The following CLUAP1 variants were observed in gnomAD, a reference collection of about 807,000 sequenced individuals.
CLUAP1 encodes the protein clusterin-associated protein 1.
A neutral mutation model predicts 55.0 loss-of-function variants in CLUAP1; 50 were observed. The observed-to-expected ratio is 0.91, with a 90% CI of 0.72 to 1.15. The LOEUF (loss-of-function observed/expected upper bound fraction) is 1.15, where lower values mean the gene tolerates loss of function less well. Among genes scored for constraint, CLUAP1 ranks in the 50% most tolerant of loss-of-function variants. The pLI, the probability that CLUAP1 is intolerant of heterozygous loss-of-function variation, is 0.00. For synonymous variants in CLUAP1, 195 were observed against 175.4 expected (o/e 1.11, Z -0.88); for missense variants, 530 against 507.6 (o/e 1.04, Z -0.42).
chr16:3,504,888 C>A, intron 2 of CLUAP1, 57 bp downstream of exon 2: 1 of 1,052,286 alleles, frequency 9.5e-7, no homozygotes, highest in Non-Finnish European at 1.5e-6. Flanking sequence ...ATTTATTAGT[C>A]ATCTAGAAAA....
chr16:3,526,362 C>A, intron 8 of CLUAP1, 50 bp from the exon 9 acceptor site: 1 of 1,288,876 alleles, frequency 7.8e-7, no homozygotes, highest in Non-Finnish European at 1.1e-6. Context: ...AAGAATAGAA[C>A]AGTCCAGAAA....
Position 3,536,249 on chromosome 16 carries a change from A to T in CLUAP1, c.1220A>T (p.Asp407Val). ...AGGGTCCGGAAATCTGAACCCCTGG[A>T]TGAGAGTGACAATGACTTCTGACCC... is the stretch of plus-strand genomic sequence containing the variant. ...NRRVRKSEPL[D>V]ESDNDF Residue 407 changes from aspartate (D) to valine (V), a missense_variant, in exon 12 of 12, where the codon GAT (aspartate) becomes GTT (valine). By Grantham distance (152) the Asp-to-Val change is radical (BLOSUM62 -3). Coordinates refer to ENST00000576634, the MANE Select transcript of CLUAP1 (RefSeq NM_015041.3). The T allele has an allele frequency of 6.2e-7, 1 of 1,614,156 alleles. No homozygotes were observed. Among genetic ancestry groups the T allele is most frequent in the Non-Finnish European group, 8.5e-7 (1 of 1,180,024 alleles).
At chr16:3,532,763 C>T in intron 10 of CLUAP1, 23 bp from the exon 11 acceptor site, 1 of 1,613,476 alleles carries the variant, frequency 6.2e-7, no homozygotes, top group Non-Finnish European at 8.5e-7. Flanking sequence ...TTTATGACTT[C>T]TTCATGCTTT....
chr16:3,521,737 T>C (rs2037839385), intron 7 of CLUAP1, among the ~76,000 whole-genome samples: 1 of 151,772 alleles, frequency 6.6e-6, no homozygotes, highest in Non-Finnish European at 1.5e-5. Context: ...CGCCTGGCCT[T>C]TTTAAAAAAT....
the CLUAP1 span, among the ~76,000 whole-genome samples, chr16:3,495,735 G>A: frequency 6.6e-6 from 1 of 152,170 alleles, no homozygotes; most frequent in East Asian, 1.9e-4. Context: ...ATCTCTTGGG[G>A]CCAGCTTCCT....
chr16:3,498,821 C>T (rs892515943), upstream of CLUAP1, among the ~76,000 whole-genome samples: 10 of 152,040 alleles, frequency 6.6e-5, no homozygotes, highest in South Asian at 2.1e-4. Flanking sequence ...GATCGCACCA[C>T]TGGCACTCCA....
chr16:3,496,624 C>T (rs2037314418), upstream of CLUAP1: 3 of 532,050 alleles, frequency 5.6e-6, no homozygotes, highest in Non-Finnish European at 1.1e-5. Flanking sequence ...TCCTACTCTC[C>T]GGTCTTCGCA....
At chr16:3,524,524 G>C (rs1002123117) in intron 8 of CLUAP1, among the ~76,000 whole-genome samples, 1 of 148,166 alleles carries the variant, frequency 6.7e-6, no homozygotes, top group Non-Finnish European at 1.5e-5. Context: ...TTGAACCCAG[G>C]AGGCAGAGGT....
chr16:3,509,419 C>G (rs1285521431), intron 4 of CLUAP1, among the ~76,000 whole-genome samples: 1 of 152,188 alleles, frequency 6.6e-6, no homozygotes, highest in Non-Finnish European at 1.5e-5. Flanking sequence ...GTGCTTATTT[C>G]CCGTCCAAAG....
In CLUAP1 at chr16:3,506,351, T is replaced by C. The variant is rs767469528; in HGVS notation, c.155T>C (p.Ile52Thr). 2 of 1,613,950 alleles carry C rather than the reference T, an allele frequency of 1.2e-6. No homozygotes were observed. The highest frequency in any genetic ancestry group is 1.3e-5 in the African/African-American group (1 of 75,002). The change falls in exon 3 of 12, where the codon ATC becomes ACC. Residue 52 changes from isoleucine (I) to threonine (T), a missense_variant. Coordinates refer to ENST00000576634, the MANE Select transcript of CLUAP1 (RefSeq NM_015041.3). ...GATAGATATGAGCCCCAGACTGACATCCCGCCTGACGTGGATACTGAACAG... is the reference window on the plus strand; with the variant it reads ...GATAGATATGAGCCCCAGACTGACACCCCGCCTGACGTGGATACTGAACAG... The part of the protein sequence containing the change: ...LVKRYEPQTD[I>T]PPDVDTEQDR...
intron 11 of CLUAP1, 178 bp downstream of exon 11, chr16:3,533,019 G>C: frequency 2.9e-6 from 4 of 1,392,648 alleles, no homozygotes; most frequent in Non-Finnish European, 4.0e-6. Context: ...GCTCGTGGAT[G>C]GCTCATCTCT....
chr16:3,503,628 ACT>A (rs2037450087), intron 1 of CLUAP1, among the ~76,000 whole-genome samples: 2 of 136,424 alleles, frequency 1.5e-5, no homozygotes, highest in Middle Eastern at 4.8e-3. Context: ...ACAGGGTCTC[ACT>A]CTGTCACCCA....
intron 6 of CLUAP1, 105 bp from the exon 7 acceptor site, chr16:3,519,798 T>G: frequency 8.8e-7 from 1 of 1,140,066 alleles, no homozygotes; most frequent in Non-Finnish European, 1.2e-6. Flanking sequence ...CTTTTGTGTT[T>G]GTTGAGCATA....
At chr16:3,501,207 G>A in intron 1 of CLUAP1, 118 bp downstream of exon 1, 1 of 1,071,388 alleles carries the variant, frequency 9.3e-7, no homozygotes, top group Non-Finnish European at 1.4e-6. Context: ...CTCCTTTCGG[G>A]CCTCTGCGCC....
At chr16:3,509,555 A>G (rs908930402) in intron 4 of CLUAP1, among the ~76,000 whole-genome samples, 4 of 152,318 alleles carry the variant, frequency 2.6e-5, no homozygotes, top group Middle Eastern at 3.4e-3. Context: ...AGGTGCCGTC[A>G]GGTGTCAGGG....
chr16:3,513,701 C>T (rs775026156), intron 5 of CLUAP1, among the ~76,000 whole-genome samples: 9 of 152,234 alleles, frequency 5.9e-5, no homozygotes, highest in Non-Finnish European at 1.2e-4. Context: ...TCGCCTTCCT[C>T]GGCCTCCCAA....
At chr16:3,535,839 C>T (rs1301826020) in intron 11 of CLUAP1, 6 of 398,494 alleles carry the variant, frequency 1.5e-5, no homozygotes, top group Non-Finnish European at 2.3e-5. Flanking sequence ...TGGCCCTCAG[C>T]GCAGATGCAG....
intron 1 of CLUAP1, 151 bp from the exon 2 acceptor site, chr16:3,504,569 C>G (rs1007575605): frequency 5.2e-6 from 3 of 572,422 alleles, no homozygotes; most frequent in Non-Finnish European, 9.6e-6. Flanking sequence ...AATTTTATCT[C>G]CTTTTTGCTT....
intron 2 of CLUAP1, 111 bp downstream of exon 2, chr16:3,504,942 T>A (rs1386093238): frequency 1.4e-6 from 1 of 712,490 alleles, no homozygotes; most frequent in African/African-American, 1.8e-5. Flanking sequence ...TTTTTGGAAT[T>A]TGACAGACCC....
Sources: gnomAD v4.1 joint callset for allele counts (sites outside exome capture counted in the v4.1 genomes callset) on GRCh38, gnomAD v4.1.1 for gene constraint, MANE v1.5 for transcripts, NCBI Gene and HGNC (gene_info 2026-07-23, HGNC 2026-07-21) for gene names.